The following CCSER1 variants were observed in gnomAD, a reference collection of about 807,000 sequenced individuals.
The protein encoded by CCSER1 is serine-rich coiled-coil domain-containing protein 1.
CCSER1 carries 41 observed loss-of-function variants against 82.0 expected under a neutral mutation model. The ratio of observed to expected loss-of-function variants is 0.50; its 90% CI spans 0.39 to 0.65. The LOEUF is 0.65. Ranked by LOEUF, CCSER1 falls within the 30% of genes least tolerant of loss-of-function variation. The pLI is 0.00. For missense variants in CCSER1, 1,119 were observed against 1,064.2 expected (o/e 1.05, Z -0.72); for synonymous variants, 414 against 383.9 (o/e 1.08, Z -0.92).
At chr4:91,179,947 A>G (rs1170180699) in intron 10 of CCSER1, among the ~76,000 whole-genome samples, 2 of 152,112 alleles carry the variant, frequency 1.3e-5, no homozygotes, top group East Asian at 1.9e-4. Context: ...GGTTTTATCT[A>G]CCTTTGGTGT....
chr4:90,302,619 A>G (rs971080337), intron 1 of CCSER1, among the ~76,000 whole-genome samples: 14 of 152,106 alleles, frequency 9.2e-5, no homozygotes, highest in Admixed American at 5.2e-4. Context: ...TGTGCAACAT[A>G]GCAAGACTCT....
intron 10 of CCSER1, among the ~76,000 whole-genome samples, chr4:91,279,569 C>A (rs1055236865): frequency 6.6e-6 from 1 of 151,956 alleles, no homozygotes; most frequent in Non-Finnish European, 1.5e-5. Context: ...TCAAGGAATT[C>A]ATCAGTTTAA....
intron 10 of CCSER1, among the ~76,000 whole-genome samples, chr4:91,210,085 T>C (rs1736683846): frequency 6.6e-6 from 1 of 151,678 alleles, no homozygotes; most frequent in Non-Finnish European, 1.5e-5. Flanking sequence ...CAAGTGAAGA[T>C]GTGCTCAAAG....
chr4:90,741,305 T>C (rs1746518786), intron 7 of CCSER1, among the ~76,000 whole-genome samples: 2 of 152,300 alleles, frequency 1.3e-5, no homozygotes, highest in South Asian at 4.1e-4. Context: ...CACTGAAACA[T>C]TTTTTCTGTC....
intron 10 of CCSER1, among the ~76,000 whole-genome samples, chr4:91,504,635 A>C (rs1404421529): frequency 1.3e-5 from 2 of 152,128 alleles, no homozygotes; most frequent in Non-Finnish European, 2.9e-5. Flanking sequence ...ATTAAGGATA[A>C]ATTGCAAAAC....
At chr4:90,536,031 G>GTTTTTTTTTTTTTTTTTTTTTTTTTTGTT (rs781671347) in intron 5 of CCSER1, among the ~76,000 whole-genome samples, 1 of 117,204 alleles carries the variant, frequency 8.5e-6, no homozygotes, top group Non-Finnish European at 1.7e-5. Flanking sequence ...CTTTCTTTCT[G>GTTTTTTTTTTTTTTTTTTTTTTTTTTGTT]TTTTTTTTTT....
intron 10 of CCSER1, among the ~76,000 whole-genome samples, chr4:91,223,964 G>T (rs1315338611): frequency 2.0e-5 from 3 of 151,652 alleles, no homozygotes; most frequent in Non-Finnish European, 4.4e-5. Flanking sequence ...TAATAGTAAG[G>T]TACCTTTTTA....
At chr4:90,432,585 C>T (rs1382248085) in intron 4 of CCSER1, among the ~76,000 whole-genome samples, 1 of 151,568 alleles carries the variant, frequency 6.6e-6, no homozygotes, top group East Asian at 1.9e-4. Context: ...TTTCCTCTCT[C>T]TCTCTCTTTC....
At chr4:90,525,063 A>T (rs943212880) in intron 5 of CCSER1, among the ~76,000 whole-genome samples, 14 of 152,150 alleles carry the variant, frequency 9.2e-5, no homozygotes, top group African/African-American at 3.4e-4. Flanking sequence ...TGTTTTTAAG[A>T]TTTAGATTCA....
chr4:91,511,079 A>G (rs1363119910), intron 10 of CCSER1, among the ~76,000 whole-genome samples: 1 of 152,040 alleles, frequency 6.6e-6, no homozygotes, highest in African/African-American at 2.4e-5. Context: ...TATTTATTGA[A>G]TAGGGAGCCT....
At chr4:91,447,551 G>T (rs1476483957) in intron 10 of CCSER1, among the ~76,000 whole-genome samples, 1 of 151,958 alleles carries the variant, frequency 6.6e-6, no homozygotes, top group East Asian at 1.9e-4. Flanking sequence ...ATGTCAGTTT[G>T]TAATGAAATT....
chr4:90,720,005 C>T (rs1742385697), intron 6 of CCSER1, among the ~76,000 whole-genome samples: 1 of 151,868 alleles, frequency 6.6e-6, no homozygotes, highest in Non-Finnish European at 1.5e-5. Flanking sequence ...GTCTCTTCTC[C>T]CGATTTATTT....
intron 1 of CCSER1, among the ~76,000 whole-genome samples, chr4:90,243,291 C>T (rs1474137730): frequency 1.3e-5 from 2 of 151,960 alleles, no homozygotes; most frequent in Non-Finnish European, 2.9e-5. Flanking sequence ...CTCTGTTGCC[C>T]AGGCTGGAAT....
rs116522284 is a variant in CCSER1 at position 90,150,515 on chromosome 4, T to G, written c.-42+22684T>G. Among the ~76,000 whole-genome samples the G allele has an allele frequency of 7.1e-3, 1,084 of 152,228 alleles. 17 individuals carry two copies. The highest frequency in any genetic ancestry group is 0.025 in the African/African-American group (1,048 of 41,562). ...ACTGTGTATGTGTAGAAAACGCACCTTTTGTTTTTTAAAAAAGATTATTAC... is the reference window on the plus strand; with the variant it reads ...ACTGTGTATGTGTAGAAAACGCACCGTTTGTTTTTTAAAAAAGATTATTAC... On this transcript the variant is annotated intron_variant, in intron 1 of 10. Coordinates refer to ENST00000509176, the MANE Select transcript of CCSER1 (RefSeq NM_001145065.2).
intron 10 of CCSER1, among the ~76,000 whole-genome samples, chr4:91,155,030 G>T (rs1369390225): frequency 1.2e-5 from 1 of 80,214 alleles, no homozygotes; most frequent in East Asian, 3.7e-4. Flanking sequence ...GGCTTTTCTG[G>T]CCTTAAAAAA....
intron 5 of CCSER1, among the ~76,000 whole-genome samples, chr4:90,514,873 CTT>C (rs1275703274): frequency 3.5e-5 from 5 of 144,724 alleles, no homozygotes; most frequent in Non-Finnish European, 3.1e-5. Context: ...TAGTTAATTA[CTT>C]TTTTTTTTTT....
intron 10 of CCSER1, among the ~76,000 whole-genome samples, chr4:91,122,586 C>T (rs1581597930): frequency 6.6e-6 from 1 of 151,864 alleles, no homozygotes; most frequent in Non-Finnish European, 1.5e-5. Context: ...CTATTAAATA[C>T]TGATCCAAGG....
At chr4:91,283,892 A>G (rs931353351) in intron 10 of CCSER1, among the ~76,000 whole-genome samples, 4 of 152,086 alleles carry the variant, frequency 2.6e-5, no homozygotes, top group Non-Finnish European at 4.4e-5. Flanking sequence ...TGTAAACATG[A>G]CTGTGTTCCT....
chr4:90,624,613 C>T lies in CCSER1; in HGVS notation c.1725-3412C>T, dbSNP rs139127166. ...GAAAAGTGCAAAGCCAGTTCACCAT[C>T]GTAGTTTAACTTAAATGTGTTAAGT... On this transcript the variant is annotated intron_variant, in intron 5 of 10. Transcript: ENST00000509176. 3.9e-5 allele frequency among the ~76,000 whole-genome samples: 6 copies of T among 152,252 alleles called. No homozygotes were observed. The East Asian group carries it at 7.7e-4, about 20-fold the overall frequency.
Sources: gnomAD v4.1 joint callset for allele counts (sites outside exome capture counted in the v4.1 genomes callset) on GRCh38, gnomAD v4.1.1 for gene constraint, MANE v1.5 for transcripts, NCBI Gene and HGNC (gene_info 2026-07-23, HGNC 2026-07-21) for gene names.